Variants in ZNF470 observed in about 807,000 individuals in gnomAD.
ZNF470 encodes the protein chondrogenesis zinc finger protein 1.
In ZNF470, 13 loss-of-function variants were observed where a neutral mutation model predicts 13.9. The ratio of observed to expected loss-of-function variants is 0.94; its 90% CI spans 0.61 to 1.49. The LOEUF is 1.49. ZNF470 is among the 40% of genes most tolerant of loss of function. The pLI, the probability that ZNF470 is intolerant of heterozygous loss-of-function variation, is 0.00. For synonymous variants in ZNF470, 293 were observed against 282.9 expected, an observed-to-expected ratio of 1.04 and a Z score of -0.36; for missense variants, 929 against 857.3, an observed-to-expected ratio of 1.08 and a Z score of -1.04.
intron 3 of ZNF470, among the ~76,000 whole-genome samples, chr19:56,570,976 G>A (rs2044447823): frequency 6.6e-6 from 1 of 152,208 alleles, no homozygotes; most frequent in South Asian, 2.1e-4. Context: ...CCTTGGTGAG[G>A]GATCCTTGAG....
At chr19:56,572,377 T>TACACACAC (rs2044460201) in intron 3 of ZNF470, among the ~76,000 whole-genome samples, 1 of 44,578 alleles carries the variant, frequency 2.2e-5, no homozygotes, top group Non-Finnish European at 3.6e-5. Context: ...AAAAAATATA[T>TACACACAC]ATATATATAT....
In ZNF470 at chr19:56,577,520, G is replaced by A. The variant is rs1356607254; in HGVS notation, c.1091G>A (p.Gly364Glu). 11 of 1,614,018 alleles carry A rather than the reference G, an allele frequency of 6.8e-6. No individual in the cohort carries two copies. Among genetic ancestry groups the A allele is most frequent in the Non-Finnish European group, 9.3e-6 (11 of 1,179,988 alleles). The part of the protein sequence containing the change: ...SLAHHRRIHT[G>E]KRPYECIDCG... ...GCTCATCATCGAAGGATTCACACTG[G>A]GAAAAGACCTTATGAATGTATTGAC... Residue 364 changes from glycine to glutamate, a missense_variant, in exon 6 of 6, where the codon GGG becomes GAG. Coordinates refer to ENST00000330619, the MANE Select transcript of ZNF470 (RefSeq NM_001001668.4).
chr19:56,574,761 G>T, intron 5 of ZNF470, 28 bp downstream of exon 5: 1 of 1,585,626 alleles, frequency 6.3e-7, no homozygotes, highest in South Asian at 1.1e-5. Flanking sequence ...AGAGATAAAG[G>T]AACTGTTCTC....
chr19:56,576,226 TAC>T (rs1219817256), intron 5 of ZNF470, among the ~76,000 whole-genome samples: 10 of 152,116 alleles, frequency 6.6e-5, no homozygotes, highest in African/African-American at 2.4e-4. Flanking sequence ...CAAGAGGAGA[TAC>T]AACATTTAAA....
chr19:56,567,843 T>G lies in ZNF470; in HGVS notation c.-354T>G. The G allele has an allele frequency of 1.0e-6, 1 of 985,962 alleles. No homozygotes were observed. Among genetic ancestry groups the G allele is most frequent in the Non-Finnish European group, 1.2e-6 (1 of 830,610 alleles). The allele number at this position is 985,962 out of a possible 1,614,324, so 61.1% of individuals were successfully genotyped here. On this transcript the variant is annotated 5_prime_UTR_variant, in exon 1 of 6. Coordinates refer to ENST00000330619, the MANE Select transcript of ZNF470 (RefSeq NM_001001668.4). ...AGCAGGAAACCCGGCCGGAGGAGGC[T>G]TACCCCGTTCTCCCCTGTATCGACT...
chr19:56,582,518 G>A lies in ZNF470; in HGVS notation c.*3935G>A, dbSNP rs1021219589. On this transcript the variant is annotated 3_prime_UTR_variant, in exon 6 of 6. Coordinates refer to ENST00000330619, the MANE Select transcript of ZNF470 (RefSeq NM_001001668.4). ...CACAAGAGTCACTGTGAATTGAATT[G>A]TGAATTCAGTTCTGAATTGTGTTCC... is the stretch of plus-strand genomic sequence containing the variant. 1 of 985,346 alleles carries A rather than the reference G, an allele frequency of 1.0e-6. No individual in the cohort carries two copies. The highest frequency in any genetic ancestry group is 1.2e-6 in the Non-Finnish European group (1 of 829,890). 61.0% of individuals were successfully genotyped at this position (985,346 alleles called of 1,614,324 possible).
intron 3 of ZNF470, among the ~76,000 whole-genome samples, chr19:56,572,210 T>C (rs1400857242): frequency 6.8e-6 from 1 of 147,368 alleles, no homozygotes; most frequent in Non-Finnish European, 1.5e-5. Flanking sequence ...GTAAAGTAAA[T>C]AGTAGCAGGC....
Position 56,577,503 on chromosome 19 carries a change from T to C in ZNF470, c.1074T>C (p.His358=). ...GTGATTGCTCATCCCTAGCTCATCA[T>C]CGAAGGATTCACACTGGGAAAAGAC... is the stretch of plus-strand genomic sequence containing the variant. The part of the protein sequence containing the change: ...AFSDCSSLAH[H]RRIHTGKRPY... The change falls in exon 6 of 6, where the codon CAT becomes CAC. Residue 358 remains histidine, a synonymous_variant. Transcript: ENST00000330619. 2 of 1,613,616 alleles carry C rather than the reference T, an allele frequency of 1.2e-6. No individual in the cohort carries two copies. The highest frequency in any genetic ancestry group is 1.7e-6 in the Non-Finnish European group (2 of 1,179,592).
At position 56,579,826 on chromosome 19, in the gene ZNF470, A is replaced by G; in HGVS notation, c.*1243A>G. The G allele has an allele frequency of 1.2e-6, 1 of 828,674 alleles. No individual in the cohort carries two copies. Among genetic ancestry groups the G allele is most frequent in the Non-Finnish European group, 1.5e-6 (1 of 687,430 alleles). 51.3% of individuals were successfully genotyped at this position (828,674 alleles called of 1,614,324 possible). On this transcript the variant is annotated 3_prime_UTR_variant, in exon 6 of 6. Transcript: ENST00000330619. The stretch of plus-strand genomic sequence containing the variant: ...CTCCCTAAATTGTAAATTCATTGAT[A>G]TTCCAGTAAAAATTTCCATATTTTT...
Position 56,567,901 on chromosome 19 carries a change from C to T in ZNF470, c.-296C>T, listed in dbSNP as rs976229348. 4 of 983,858 alleles carry T rather than the reference C, an allele frequency of 4.1e-6. No individual in the cohort carries two copies. The highest frequency in any genetic ancestry group is 3.5e-5 in the African/African-American group (2 of 56,716). The allele number at this position is 983,858 out of a possible 1,614,324, so 60.9% of individuals were successfully genotyped here. A position where few individuals can be genotyped will look rare whatever the true frequency, so the allele number is the denominator to read the frequency against. On this transcript the variant is annotated 5_prime_UTR_variant, in exon 1 of 6. Coordinates refer to ENST00000330619, the MANE Select transcript of ZNF470 (RefSeq NM_001001668.4). ...GCCCAGTGTGGGCAAAGTCCTAGAG[C>T]CCGGGGAAGTTGCCCGGGCGGGGCA... is the stretch of plus-strand genomic sequence containing the variant.
chr19:56,577,310 G>A lies in ZNF470; in HGVS notation c.881G>A (p.Ser294Asn), dbSNP rs1429102876. The change falls in exon 6 of 6, where the codon AGC becomes AAC. Residue 294 changes from serine to asparagine, a missense_variant. Transcript: ENST00000330619. ...FECTECGKAF[S>N]QNAHLVQHQR... ...TGTACTGAATGTGGGAAAGCCTTCA[G>A]CCAGAATGCTCATCTTGTTCAACAC... 1.2e-6 allele frequency: 2 copies of A among 1,613,748 alleles called. No homozygotes were observed. Among genetic ancestry groups the A allele is most frequent in the Non-Finnish European group, 1.7e-6 (2 of 1,179,880 alleles).
Position 56,579,061 on chromosome 19 carries a change from C to G in ZNF470, c.*478C>G. On this transcript the variant is annotated 3_prime_UTR_variant, in exon 6 of 6. Transcript: ENST00000330619. ...GTAACATGGTGGCTTATCACTCCCT[C>G]TGTGACATTGTTGATGAGCAACTCT... 1.0e-6 allele frequency: 1 copy of G among 985,892 alleles called. No homozygotes were observed. The highest frequency in any genetic ancestry group is 1.2e-6 in the Non-Finnish European group (1 of 830,268). 61.1% of individuals were successfully genotyped at this position (985,892 alleles called of 1,614,324 possible).
intron 3 of ZNF470, among the ~76,000 whole-genome samples, chr19:56,572,421 A>G (rs2044461741): frequency 8.1e-6 from 1 of 123,170 alleles, no homozygotes; most frequent in Admixed American, 8.2e-5. Context: ...GCATGCCTGT[A>G]ATCCCAGCTA....
Position 56,573,526 on chromosome 19 carries a change from A to T in ZNF470, c.61-868A>T, listed in dbSNP as rs183447182. On this transcript the variant is annotated intron_variant, in intron 3 of 5. Coordinates refer to ENST00000330619, the MANE Select transcript of ZNF470 (RefSeq NM_001001668.4). Reference sequence around the variant, plus strand: ...GTCATAAAAAAATTGAAAATCTCCCAGTAACAGTCCAGTGGATCACTTTGT... The same window carrying T: ...GTCATAAAAAAATTGAAAATCTCCCTGTAACAGTCCAGTGGATCACTTTGT... Among the ~76,000 whole-genome samples, 6 of 152,380 alleles carry T rather than the reference A, an allele frequency of 3.9e-5. No homozygotes were observed. In the East Asian group the frequency reaches 7.7e-4, roughly 20 times the overall value.
At chr19:56,570,403 A>G (rs1404052608) in intron 3 of ZNF470, 32 bp downstream of exon 3, 1 of 1,609,134 alleles carries the variant, frequency 6.2e-7, no homozygotes, top group Non-Finnish European at 8.5e-7. Flanking sequence ...CCCCACTAAA[A>G]TAGTTTTGCT....
Position 56,581,146 on chromosome 19 carries a change from G to A in ZNF470, c.*2563G>A, listed in dbSNP as rs2044532470. On this transcript the variant is annotated 3_prime_UTR_variant, in exon 6 of 6. Coordinates refer to ENST00000330619, the MANE Select transcript of ZNF470 (RefSeq NM_001001668.4). The stretch of plus-strand genomic sequence containing the variant: ...GATATAATAAAGGACTGTAATTCGT[G>A]ATATTCAAAGTACTATTACAAACCA... 1.2e-6 allele frequency: 1 copy of A among 864,040 alleles called. No individual in the cohort carries two copies. Among genetic ancestry groups the A allele is most frequent in the African/African-American group, 1.8e-5 (1 of 54,526 alleles). The allele number at this position is 864,040 out of a possible 1,614,324, so 53.5% of individuals were successfully genotyped here.
chr19:56,571,101 A>G (rs1568493563), intron 3 of ZNF470, among the ~76,000 whole-genome samples: 3 of 152,210 alleles, frequency 2.0e-5, no homozygotes, highest in South Asian at 4.1e-4. Flanking sequence ...AAGTGCAGGC[A>G]TATGGGATTG....
intron 1 of ZNF470, 41 bp downstream of exon 1, chr19:56,568,079 A>C (rs1045063301): frequency 3.0e-6 from 3 of 985,650 alleles, no homozygotes; most frequent in African/African-American, 1.7e-5. Context: ...CGGAGTGGAC[A>C]TTGAGGTTTT....
Position 56,581,199 on chromosome 19 carries a change from A to G in ZNF470, c.*2616A>G, listed in dbSNP as rs567661323. 1.2e-4 allele frequency: 77 copies of G among 637,712 alleles called. No homozygotes were observed. In the African/African-American group the frequency reaches 1.5e-3, roughly 12 times the overall value. 39.5% of individuals were successfully genotyped at this position (637,712 alleles called of 1,614,324 possible). A position where few individuals can be genotyped will look rare whatever the true frequency, so the allele number is the denominator to read the frequency against. ...AATAATCTGCAACTTAGAAAAATGG[A>G]CTAATGTCCCATTCACAAAAGATGC... On this transcript the variant is annotated 3_prime_UTR_variant, in exon 6 of 6. Transcript: ENST00000330619.
Sources: gnomAD v4.1 joint callset for allele counts (sites outside exome capture counted in the v4.1 genomes callset) on GRCh38, gnomAD v4.1.1 for gene constraint, MANE v1.5 for transcripts, NCBI Gene and HGNC (gene_info 2026-07-23, HGNC 2026-07-21) for gene names.